DTL: variants seen among roughly 807,000 people sequenced by gnomAD.
DTL encodes denticleless protein homolog.
Under a neutral mutation model 87.0 loss-of-function variants are expected in DTL, and 46 were observed. That is an observed-to-expected ratio of 0.53 (90% CI 0.42 to 0.68). The LOEUF (loss-of-function observed/expected upper bound fraction) is 0.68, where lower values mean the gene tolerates loss of function less well. Ranked by LOEUF, DTL falls within the 30% of genes least tolerant of loss-of-function variation. DTL has a pLI of 0.00. For synonymous variants in DTL, 308 were observed against 311.2 expected, an observed-to-expected ratio of 0.99 and a Z score of 0.11; for missense variants, 737 against 869.4, an observed-to-expected ratio of 0.85 and a Z score of 1.91.
At chr1:212,074,664 G>A (rs1245661180) in intron 11 of DTL, among the ~76,000 whole-genome samples, 2 of 152,144 alleles carry the variant, frequency 1.3e-5, no homozygotes, top group Non-Finnish European at 2.9e-5. Context: ...AAAAAAAGGA[G>A]GAGTGGTATT....
intron 10 of DTL, among the ~76,000 whole-genome samples, chr1:212,071,064 C>G (rs1402221369): frequency 6.6e-6 from 1 of 152,214 alleles, no homozygotes. Context: ...CAAATTGATT[C>G]ATATCCTGCC....
chr1:212,091,736 G>C (rs1285273079), intron 13 of DTL, among the ~76,000 whole-genome samples: 2 of 152,144 alleles, frequency 1.3e-5, no homozygotes, highest in African/African-American at 4.8e-5. Flanking sequence ...TTAAAAAGTT[G>C]AACTCATAGG....
At chr1:212,086,360 A>G (rs1655129139) in intron 13 of DTL, among the ~76,000 whole-genome samples, 1 of 152,202 alleles carries the variant, frequency 6.6e-6, no homozygotes, top group South Asian at 2.1e-4. Context: ...AAAAAAAGTC[A>G]TCAGTATTCC....
At position 212,068,709 on chromosome 1, in the gene DTL, A is replaced by G. The variant is rs771809491; in HGVS notation, c.922+6A>G. ...TGGGTTGAAGACTTCTCCAGGTAAGATATTAGTCATTCAAATTCTCTTACC... is the reference window on the plus strand; with the variant it reads ...TGGGTTGAAGACTTCTCCAGGTAAGGTATTAGTCATTCAAATTCTCTTACC... On this transcript the variant is annotated splice_donor_region_variant and intron_variant, in intron 10 of 14. Transcript: ENST00000366991. 5.8e-6 allele frequency: 9 copies of G among 1,548,022 alleles called. No individual in the cohort carries two copies. Among genetic ancestry groups the G allele is most frequent in the Non-Finnish European group, 6.2e-6 (7 of 1,126,184 alleles).
intron 12 of DTL, 143 bp downstream of exon 12, chr1:212,078,405 C>T (rs1370213733): frequency 1.5e-5 from 9 of 594,850 alleles, no homozygotes; most frequent in East Asian, 2.9e-5. Flanking sequence ...GATCTATATT[C>T]ACATTACTCA....
intron 5 of DTL, among the ~76,000 whole-genome samples, chr1:212,061,920 G>A (rs1654336477): frequency 6.6e-6 from 1 of 152,106 alleles, no homozygotes; most frequent in African/African-American, 2.4e-5. Context: ...TAGATAGAAG[G>A]TGTAAGTTCC....
At position 212,090,492 on chromosome 1, in the gene DTL, C is replaced by A. The variant is rs920218719; in HGVS notation, c.1261+9742C>A. On this transcript the variant is annotated intron_variant, in intron 13 of 14. Transcript: ENST00000366991. ...CTTTGTGACTGAGAATAAATAAATA[C>A]CCTTGTTATTTGAAGACAGGAATGC... Among the ~76,000 whole-genome samples, 4 of 152,032 alleles carry A rather than the reference C, an allele frequency of 2.6e-5. No homozygotes were observed. The East Asian group carries it at 5.8e-4, about 22-fold the overall frequency.
At position 212,100,665 on chromosome 1, in the gene DTL, T is replaced by A. The variant is rs748496593; in HGVS notation, c.1675T>A (p.Cys559Ser). The A allele has an allele frequency of 4.3e-6, 7 of 1,614,010 alleles. No homozygotes were observed. In the East Asian group the frequency reaches 1.6e-4, roughly 36 times the overall value. The change falls in exon 14 of 15, where the codon TGT becomes AGT. Residue 559 changes from cysteine (C) to serine (S), a missense_variant. Coordinates refer to ENST00000366991, the MANE Select transcript of DTL (RefSeq NM_016448.4). The stretch of plus-strand genomic sequence containing the variant: ...AGTAAAGAGGAGGCTAGACTCAAGC[T>A]GTCTGGAGAGTGTGAAACAAAAGTG... ...NRVKRRLDSSCLESVKQKCVK... is the reference protein window; with the variant it reads ...NRVKRRLDSSSLESVKQKCVK...
At chr1:212,091,659 A>G (rs114252273) in intron 13 of DTL, among the ~76,000 whole-genome samples, 4,174 of 152,326 alleles carry the variant, frequency 0.027, 80 homozygotes, top group Non-Finnish European at 0.04. Flanking sequence ...AACCTGAAAG[A>G]CATTATGCTA....
chr1:212,095,839 T>G (rs181061812), intron 13 of DTL, among the ~76,000 whole-genome samples: 12 of 152,310 alleles, frequency 7.9e-5, no homozygotes, highest in African/African-American at 2.6e-4. Context: ...AGTTTTCTTT[T>G]TTGTCATGTC....
intron 10 of DTL, among the ~76,000 whole-genome samples, chr1:212,070,622 A>G (rs887299974): frequency 6.8e-6 from 1 of 146,744 alleles, no homozygotes; most frequent in East Asian, 1.9e-4. Context: ...AAAAAAAAAA[A>G]CTGAATGACA....
intron 13 of DTL, among the ~76,000 whole-genome samples, chr1:212,081,988 T>C (rs1358693965): frequency 6.6e-6 from 1 of 152,090 alleles, no homozygotes; most frequent in African/African-American, 2.4e-5. Context: ...TGAAGATAGC[T>C]ATAGATAGAA....
At chr1:212,091,267 T>C (rs1298884903) in intron 13 of DTL, among the ~76,000 whole-genome samples, 1 of 152,176 alleles carries the variant, frequency 6.6e-6, no homozygotes, top group Admixed American at 6.5e-5. Context: ...CCCTCACACC[T>C]GTTAGGATAG....
intron 13 of DTL, among the ~76,000 whole-genome samples, chr1:212,087,769 A>G (rs1005329057): frequency 6.6e-6 from 1 of 152,114 alleles, no homozygotes; most frequent in Non-Finnish European, 1.5e-5. Flanking sequence ...TCACATTGCC[A>G]TCTTGAAAAT....
rs1046345092 is a variant in DTL, at chr1:212,103,060, C to T, written c.*120C>T. On this transcript the variant is annotated 3_prime_UTR_variant, in exon 15 of 15. Transcript: ENST00000366991. The stretch of plus-strand genomic sequence containing the variant: ...TAACTCTGGTCTTTAAGAAAGCTGC[C>T]TTTTCATTTTTAGACAAAATCTTTT... The T allele has an allele frequency of 3.6e-6, 2 of 548,376 alleles. No individual in the cohort carries two copies. Among genetic ancestry groups the T allele is most frequent in the Non-Finnish European group, 6.4e-6 (2 of 314,928 alleles). The allele number at this position is 548,376 out of a possible 1,614,324, so 34.0% of individuals were successfully genotyped here.
chr1:212,043,840 A>T (rs1236664796), intron 2 of DTL, among the ~76,000 whole-genome samples: 3 of 152,026 alleles, frequency 2.0e-5, no homozygotes, highest in Non-Finnish European at 4.4e-5. Context: ...AAAAAAAAAA[A>T]AAAAAAGAAA....
At chr1:212,044,909 C>T (rs1157998996) in intron 3 of DTL, 151 bp downstream of exon 3, 13 of 585,536 alleles carry the variant, frequency 2.2e-5, no homozygotes, top group Non-Finnish European at 3.7e-5. Context: ...AAAAAGTTTA[C>T]TTGGTGTGTG....
intron 10 of DTL, 66 bp from the exon 11 acceptor site, chr1:212,072,035 T>C: frequency 4.6e-6 from 5 of 1,084,318 alleles, no homozygotes; most frequent in South Asian, 1.3e-5. Flanking sequence ...ATATATATGC[T>C]GTCTATATCC....
chr1:212,085,218 G>A (rs1302201327), intron 13 of DTL, among the ~76,000 whole-genome samples: 1 of 152,142 alleles, frequency 6.6e-6, no homozygotes, highest in Non-Finnish European at 1.5e-5. Context: ...TATATTTAGA[G>A]TTATGTAGTC....
Sources: gnomAD v4.1 joint callset for allele counts (sites outside exome capture counted in the v4.1 genomes callset) on GRCh38, gnomAD v4.1.1 for gene constraint, MANE v1.5 for transcripts, NCBI Gene and HGNC (gene_info 2026-07-23, HGNC 2026-07-21) for gene names.